KHDRBS2: variants seen among roughly 807,000 people sequenced by gnomAD.
KHDRBS2 encodes KH RNA binding domain containing, signal transduction associated 2.
In KHDRBS2, 26 loss-of-function variants were observed where a neutral mutation model predicts 44.3. The observed-to-expected ratio is 0.59, with a 90% CI of 0.43 to 0.81. The LOEUF (loss-of-function observed/expected upper bound fraction) is 0.81, where lower values mean the gene tolerates loss of function less well. Among genes scored for constraint, KHDRBS2 ranks in the 40% least tolerant of loss-of-function variants. The probability of loss-of-function intolerance (pLI) is 0.00; values close to 1 mark genes in which losing one functional copy is unlikely to be tolerated. For missense variants in KHDRBS2, 476 were observed against 433.1 expected, an observed-to-expected ratio of 1.10 and a Z score of -0.88; for synonymous variants, 194 against 151.1, an observed-to-expected ratio of 1.28 and a Z score of -2.08.
intron 4 of KHDRBS2, among the ~76,000 whole-genome samples, chr6:61,948,867 T>A (rs950229773): frequency 6.6e-6 from 1 of 151,856 alleles, no homozygotes; most frequent in Non-Finnish European, 1.5e-5. Flanking sequence ...ATAGTGCTGA[T>A]GGTGAGAATA....
chr6:62,217,684 A>C (rs1354713448), intron 1 of KHDRBS2, among the ~76,000 whole-genome samples: 1 of 151,906 alleles, frequency 6.6e-6, no homozygotes, highest in Non-Finnish European at 1.5e-5. Flanking sequence ...GAGTCTAATA[A>C]AAGTGTCAAA....
In KHDRBS2 at chr6:61,830,860, T is replaced by C. The variant is rs115053977; in HGVS notation, c.810+63775A>G. Among the ~76,000 whole-genome samples the C allele has an allele frequency of 2.8e-3, 427 of 152,340 alleles. 3 individuals are homozygous for C. The highest frequency in any genetic ancestry group is 9.9e-3 in the African/African-American group (413 of 41,584). On this transcript the variant is annotated intron_variant, in intron 6 of 8. Transcript: ENST00000281156. ...AACATGATATTAGTGATGTAGATAATTTAGACATCTGTAACATTTTATTCT... is the reference window on the plus strand; with the variant it reads ...AACATGATATTAGTGATGTAGATAACTTAGACATCTGTAACATTTTATTCT...
the KHDRBS2 span, chr6:61,574,404 A>G: frequency 2.6e-6 from 4 of 1,522,920 alleles, no homozygotes; most frequent in South Asian, 4.8e-5. Context: ...CGGACATAAT[A>G]CAACAAGACG....
chr6:61,705,947 A>G (rs1769467755), intron 7 of KHDRBS2, among the ~76,000 whole-genome samples: 1 of 151,872 alleles, frequency 6.6e-6, no homozygotes, highest in Non-Finnish European at 1.5e-5. Context: ...TGTCTTCCCT[A>G]CTAAAATGTG....
At chr6:61,695,231 A>G (rs1767777634) in intron 8 of KHDRBS2, among the ~76,000 whole-genome samples, 2 of 151,882 alleles carry the variant, frequency 1.3e-5, no homozygotes, top group Admixed American at 1.3e-4. Flanking sequence ...CAAAACAAAC[A>G]AACAAACAAA....
chr6:62,186,078 A>G (rs1823355446), intron 1 of KHDRBS2, among the ~76,000 whole-genome samples: 1 of 152,054 alleles, frequency 6.6e-6, no homozygotes, highest in Non-Finnish European at 1.5e-5. Context: ...TTCTGGATAC[A>G]GTATTGTATC....
intron 3 of KHDRBS2, among the ~76,000 whole-genome samples, chr6:62,034,613 C>T (rs185794311): frequency 6.9e-6 from 1 of 144,192 alleles, no homozygotes; most frequent in East Asian, 2.1e-4. Context: ...GATAAAAACA[C>T]TCAAAAATTG....
the KHDRBS2 span, among the ~76,000 whole-genome samples, chr6:61,568,686 T>A: frequency 2.4e-4 from 37 of 152,136 alleles, no homozygotes; most frequent in African/African-American, 8.7e-4. Flanking sequence ...CTTACCTAGA[T>A]CTTACATGGA....
intron 1 of KHDRBS2, among the ~76,000 whole-genome samples, chr6:62,188,136 G>C (rs1823826434): frequency 1.3e-5 from 2 of 151,996 alleles, no homozygotes; most frequent in Admixed American, 6.6e-5. Context: ...CCATTCATGA[G>C]GGATCTGCCC....
intron 4 of KHDRBS2, among the ~76,000 whole-genome samples, chr6:61,918,050 C>T (rs576202576): frequency 7.2e-5 from 11 of 151,742 alleles, no homozygotes; most frequent in African/African-American, 2.2e-4. Flanking sequence ...GGCGCATCGG[C>T]GAATGATGAA....
chr6:62,232,933 A>T (rs1379742524), intron 1 of KHDRBS2, among the ~76,000 whole-genome samples: 2 of 152,154 alleles, frequency 1.3e-5, no homozygotes, highest in Non-Finnish European at 2.9e-5. Context: ...TCTGATACCC[A>T]ACCAAAGAGT....
intron 4 of KHDRBS2, among the ~76,000 whole-genome samples, chr6:61,908,350 A>G (rs1805404997): frequency 6.6e-6 from 1 of 152,104 alleles, no homozygotes; most frequent in African/African-American, 2.4e-5. Context: ...AAATCAATAC[A>G]TAGGCTGGGC....
intron 3 of KHDRBS2, among the ~76,000 whole-genome samples, chr6:62,026,219 C>A (rs2127286103): frequency 6.6e-6 from 1 of 151,442 alleles, no homozygotes; most frequent in South Asian, 2.1e-4. Flanking sequence ...TGACAGAATT[C>A]TATAACACTT....
chr6:62,199,465 G>T (rs1371695857), intron 1 of KHDRBS2, among the ~76,000 whole-genome samples: 1 of 152,238 alleles, frequency 6.6e-6, no homozygotes, highest in Non-Finnish European at 1.5e-5. Context: ...GCCAAATTAT[G>T]AGTGAACTCC....
the KHDRBS2 span, among the ~76,000 whole-genome samples, chr6:61,569,121 C>T: frequency 4.2e-4 from 64 of 152,156 alleles, no homozygotes; most frequent in Admixed American, 1.3e-3. Flanking sequence ...TGAGGCCTCT[C>T]GCTACTGGCT....
intron 3 of KHDRBS2, among the ~76,000 whole-genome samples, chr6:62,044,510 A>G (rs1787246837): frequency 6.6e-6 from 1 of 152,022 alleles, no homozygotes; most frequent in Non-Finnish European, 1.5e-5. Flanking sequence ...AAAAAAGAAA[A>G]AGAAAGAAAA....
the KHDRBS2 span, among the ~76,000 whole-genome samples, chr6:61,553,052 T>C: frequency 6.6e-6 from 1 of 152,240 alleles, no homozygotes; most frequent in Admixed American, 6.5e-5. Flanking sequence ...CTCCTCAATG[T>C]TTGGAATAGC....
intron 6 of KHDRBS2, among the ~76,000 whole-genome samples, chr6:61,883,272 C>CCCG (rs1800460636): frequency 6.6e-6 from 1 of 152,034 alleles, no homozygotes; most frequent in Non-Finnish European, 1.5e-5. Flanking sequence ...TTTGCCACTG[C>CCCG]TGTCCTCCCC....
intron 6 of KHDRBS2, among the ~76,000 whole-genome samples, chr6:61,769,899 C>T (rs1451437095): frequency 6.6e-6 from 1 of 152,178 alleles, no homozygotes; most frequent in East Asian, 1.9e-4. Context: ...TCAAGTGGGT[C>T]CCTGACCCCC....
Sources: gnomAD v4.1 joint callset for allele counts (sites outside exome capture counted in the v4.1 genomes callset) on GRCh38, gnomAD v4.1.1 for gene constraint, MANE v1.5 for transcripts, NCBI Gene and HGNC (gene_info 2026-07-23, HGNC 2026-07-21) for gene names.